Variants in RBPJ observed in about 807,000 individuals in gnomAD.
The protein encoded by RBPJ is recombining binding protein suppressor of hairless.
A neutral mutation model predicts 67.8 loss-of-function variants in RBPJ; 9 were observed. The ratio of observed to expected loss-of-function variants is 0.13; its 90% CI spans 0.08 to 0.23. The LOEUF (loss-of-function observed/expected upper bound fraction) is 0.23, where lower values mean the gene tolerates loss of function less well. Ranked by LOEUF, RBPJ falls within the 10% of genes least tolerant of loss-of-function variation. The pLI is 1.00. For missense variants in RBPJ, 305 were observed against 595.6 expected, an observed-to-expected ratio of 0.51 and a Z score of 5.08; for synonymous variants, 198 against 203.3, an observed-to-expected ratio of 0.97 and a Z score of 0.22.
chr4:26,298,404 G>A (rs969482506), intron 1 of RBPJ, among the ~76,000 whole-genome samples: 3 of 152,090 alleles, frequency 2.0e-5, no homozygotes, highest in African/African-American at 7.2e-5. Context: ...AGAAACTATT[G>A]TAATATTTGG....
intron 1 of RBPJ, among the ~76,000 whole-genome samples, chr4:26,309,177 C>T (rs13114817): frequency 0.46 from 69,999 of 151,670 alleles, 17,154 homozygotes; most frequent in Admixed American, 0.59. Context: ...CCACTACTCC[C>T]GGCTAATTTT....
In RBPJ at chr4:26,326,691, AT is replaced by A. The variant is rs1197670398; in HGVS notation, c.20+5647del. The stretch of plus-strand genomic sequence containing the variant: ...ACATTGTGACTGTCAAATAAGGTAA[AT>A]TTTGTGAAATAAGGTCAAATGAAAC... On this transcript the variant is annotated intron_variant, in intron 1 of 10. Transcript: ENST00000355476. Among the ~76,000 whole-genome samples, 7 of 152,128 alleles carry A rather than the reference AT, an allele frequency of 4.6e-5. 1 individual carries two copies. In the South Asian group the frequency reaches 1.2e-3, roughly 27 times the overall value.
At chr4:26,246,786 C>T (rs1719941445) in intron 1 of RBPJ, among the ~76,000 whole-genome samples, 1 of 152,074 alleles carries the variant, frequency 6.6e-6, no homozygotes, top group African/African-American at 2.4e-5. Flanking sequence ...TTGCCTGACC[C>T]CCTGACTAAA....
At chr4:26,413,376 T>C (rs369920198) in intron 3 of RBPJ, among the ~76,000 whole-genome samples, 13 of 152,316 alleles carry the variant, frequency 8.5e-5, no homozygotes, top group African/African-American at 2.9e-4. Context: ...TTTCTCCCCA[T>C]ACTTATCACC....
At chr4:26,410,377 A>G (rs1388549889) in intron 3 of RBPJ, 1 of 155,320 alleles carries the variant, frequency 6.4e-6, no homozygotes, top group Non-Finnish European at 1.4e-5. Context: ...GTGCCTAATA[A>G]CTAGTATTTA....
At chr4:26,364,906 C>T (rs1728471552) in intron 1 of RBPJ, among the ~76,000 whole-genome samples, 1 of 151,766 alleles carries the variant, frequency 6.6e-6, no homozygotes, top group Non-Finnish European at 1.5e-5. Context: ...TGTGAGCCAC[C>T]GTGCCCGGCC....
chr4:26,424,552 T>G lies in RBPJ; in HGVS notation c.634+73T>G. On this transcript the variant is annotated intron_variant, in intron 6 of 10. Transcript: ENST00000355476. The surrounding 1 kb of genome is among the most constrained non-coding windows in gnomAD (Gnocchi z 5.3). Reference sequence around the variant, plus strand: ...AATCTTTTGATGAGATACATGGATATATTAAGTTTTGTCATTTGCCTAATC... The same window carrying G: ...AATCTTTTGATGAGATACATGGATAGATTAAGTTTTGTCATTTGCCTAATC... The G allele has an allele frequency of 6.4e-7, 1 of 1,564,324 alleles. No individual in the cohort carries two copies. Among genetic ancestry groups the G allele is most frequent in the Non-Finnish European group, 8.8e-7 (1 of 1,141,084 alleles).
the RBPJ span, among the ~76,000 whole-genome samples, chr4:26,134,197 C>A: frequency 6.6e-6 from 1 of 152,068 alleles, no homozygotes; most frequent in Non-Finnish European, 1.5e-5. Flanking sequence ...TGGGTCTCAA[C>A]GTCATGGGAT....
At chr4:26,407,426 A>C (rs1473553485) in intron 3 of RBPJ, among the ~76,000 whole-genome samples, 1 of 152,220 alleles carries the variant, frequency 6.6e-6, no homozygotes, top group Non-Finnish European at 1.5e-5. Context: ...CCAAAATTAA[A>C]TTACAACAAG....
At chr4:26,317,398 A>G (rs1722689124), upstream of RBPJ, among the ~76,000 whole-genome samples, 1 of 152,186 alleles carries the variant, frequency 6.6e-6, no homozygotes, top group African/African-American at 2.4e-5. Flanking sequence ...AGGAACAGTA[A>G]GGAAGGCAAC....
At chr4:26,174,631 G>A (rs1439672200) in intron 1 of RBPJ, among the ~76,000 whole-genome samples, 1 of 152,060 alleles carries the variant, frequency 6.6e-6, no homozygotes, top group African/African-American at 2.4e-5. Context: ...CACTATGCCT[G>A]ACTAATTTTT....
At chr4:26,395,609 C>G (rs1157094563) in intron 2 of RBPJ, among the ~76,000 whole-genome samples, 1 of 152,184 alleles carries the variant, frequency 6.6e-6, no homozygotes, top group African/African-American at 2.4e-5. Flanking sequence ...TCCCTTCCCT[C>G]TCTTCCTTCC....
intron 1 of RBPJ, among the ~76,000 whole-genome samples, chr4:26,186,128 GC>G (rs1432613319): frequency 6.7e-6 from 1 of 150,022 alleles, no homozygotes; most frequent in East Asian, 2.0e-4. Flanking sequence ...ATTCTGATAG[GC>G]CTGATAGACA....
intron 1 of RBPJ, among the ~76,000 whole-genome samples, chr4:26,180,456 G>T (rs1034353559): frequency 6.6e-6 from 1 of 152,104 alleles, no homozygotes; most frequent in African/African-American, 2.4e-5. Flanking sequence ...AATTCTAGAG[G>T]CCAGAAAGTC....
At chr4:26,191,674 C>G (rs1409585769) in intron 1 of RBPJ, among the ~76,000 whole-genome samples, 1 of 152,196 alleles carries the variant, frequency 6.6e-6, no homozygotes, top group East Asian at 1.9e-4. Context: ...TGACGGGAGA[C>G]TACATGTATA....
the RBPJ span, among the ~76,000 whole-genome samples, chr4:26,122,262 T>C: frequency 6.6e-6 from 1 of 152,212 alleles, no homozygotes. Context: ...GATCAAGCCA[T>C]ATCTGATGTG....
At chr4:26,377,546 T>C (rs776781426) in intron 1 of RBPJ, among the ~76,000 whole-genome samples, 47 of 152,248 alleles carry the variant, frequency 3.1e-4, no homozygotes, top group Non-Finnish European at 4.1e-4. Context: ...TAAGATGAAG[T>C]GAGGCGTCTG....
chr4:26,246,263 GT>G (rs1719925514), intron 1 of RBPJ, among the ~76,000 whole-genome samples: 1 of 152,160 alleles, frequency 6.6e-6, no homozygotes, highest in Admixed American at 6.5e-5. Flanking sequence ...AGTTTCTGGT[GT>G]TTAGGACTTG....
At chr4:26,375,502 A>G (rs2109573041) in intron 1 of RBPJ, among the ~76,000 whole-genome samples, 2 of 152,250 alleles carry the variant, frequency 1.3e-5, no homozygotes, top group Middle Eastern at 6.8e-3. Context: ...AGTGAAAGGG[A>G]AAAGGAACCA....
Sources: allele counts gnomAD v4.1 joint callset (sites outside exome capture counted in the v4.1 genomes callset), GRCh38; gene constraint gnomAD v4.1.1; non-coding constraint Gnocchi (gnomAD v3.1); transcripts MANE v1.5; gene names NCBI Gene and HGNC (gene_info 2026-07-23, HGNC 2026-07-21).